BBOX1: variants seen among roughly 807,000 people sequenced by gnomAD.
BBOX1 encodes gamma-butyrobetaine dioxygenase.
BBOX1 carries 35 observed loss-of-function variants against 41.6 expected under a neutral mutation model. The ratio of observed to expected loss-of-function variants is 0.84; its 90% CI spans 0.64 to 1.11. BBOX1 has a LOEUF of 1.11. Ranked by LOEUF, BBOX1 falls within the 50% of genes most tolerant of loss-of-function variation. The pLI is 0.00. For synonymous variants in BBOX1, 163 were observed against 154.7 expected (o/e 1.05, Z -0.40); for missense variants, 458 against 460.6 (o/e 0.99, Z 0.05).
chr11:27,079,672 A>C (rs1223532232), intron 4 of BBOX1, among the ~76,000 whole-genome samples: 2 of 152,148 alleles, frequency 1.3e-5, no homozygotes, highest in Non-Finnish European at 2.9e-5. Flanking sequence ...GGGCAATGAT[A>C]GAGGGGATTA....
intron 2 of BBOX1, among the ~76,000 whole-genome samples, chr11:27,052,194 T>A (rs948905604): frequency 2.0e-5 from 3 of 152,084 alleles, no homozygotes; most frequent in South Asian, 2.1e-4. Context: ...GCAAAGAGAA[T>A]AATAAAACTT....
chr11:27,081,840 T>A (rs1857848174), intron 4 of BBOX1, among the ~76,000 whole-genome samples: 1 of 152,212 alleles, frequency 6.6e-6, no homozygotes, highest in Admixed American at 6.5e-5. Flanking sequence ...GTCTGTTGGC[T>A]GCATACATGT....
intron 4 of BBOX1, among the ~76,000 whole-genome samples, chr11:27,069,572 T>C (rs1857383119): frequency 6.6e-6 from 1 of 152,110 alleles, no homozygotes; most frequent in African/African-American, 2.4e-5. Context: ...TTCTTTCTCT[T>C]GTCCAATTAC....
chr11:27,068,942 T>C lies in BBOX1; in HGVS notation c.334+11627T>C, dbSNP rs142402879. On this transcript the variant is annotated intron_variant, in intron 4 of 8. Transcript: ENST00000263182. ...TTCCATTGTTCTATGTGTTTACTTT[T>C]ATATAGTACCATGCTGTTTTGGTAA... 5.9e-5 allele frequency among the ~76,000 whole-genome samples: 9 copies of C among 152,278 alleles called. No individual in the cohort carries two copies. In the East Asian group the frequency reaches 7.7e-4, roughly 13 times the overall value.
chr11:27,087,091 GA>G (rs1261010820), intron 4 of BBOX1, among the ~76,000 whole-genome samples: 1 of 152,092 alleles, frequency 6.6e-6, no homozygotes, highest in Non-Finnish European at 1.5e-5. Flanking sequence ...TCCTGGTGAA[GA>G]TGATGTGGAC....
chr11:27,056,536 A>G (rs978271340), intron 3 of BBOX1, among the ~76,000 whole-genome samples: 18 of 151,890 alleles, frequency 1.2e-4, no homozygotes, highest in African/African-American at 4.3e-4. Context: ...GATTACAGGC[A>G]TAAGCCACCA....
chr11:27,069,868 T>C (rs1193183749), intron 4 of BBOX1, among the ~76,000 whole-genome samples: 1 of 152,136 alleles, frequency 6.6e-6, no homozygotes, highest in Non-Finnish European at 1.5e-5. Flanking sequence ...TTTTATCAAA[T>C]GCTTTTTCTG....
Position 27,063,824 on chromosome 11 carries a change from T to C in BBOX1, c.334+6509T>C, listed in dbSNP as rs1387573185. Among the ~76,000 whole-genome samples, 3 of 151,808 alleles carry C rather than the reference T, an allele frequency of 2.0e-5. No homozygotes were observed. The East Asian group carries it at 5.9e-4, about 30-fold the overall frequency. ...GAAGTGAAAACTCACAAATAACTGT[T>C]AGGACCCTCTAAAATCTATTCGTCT... On this transcript the variant is annotated intron_variant, in intron 4 of 8. Transcript: ENST00000263182.
chr11:27,069,681 C>A (rs2133989541), intron 4 of BBOX1, among the ~76,000 whole-genome samples: 1 of 152,096 alleles, frequency 6.6e-6, no homozygotes, highest in East Asian at 1.9e-4. Flanking sequence ...TAATTTTTAA[C>A]CTTTTAACTT....
At position 27,089,813 on chromosome 11, in the gene BBOX1, C is replaced by T. The variant is rs531797825; in HGVS notation, c.335-3355C>T. 2.6e-5 allele frequency among the ~76,000 whole-genome samples: 4 copies of T among 152,104 alleles called. No individual in the cohort carries two copies. The South Asian group carries it at 6.2e-4, about 24-fold the overall frequency. On this transcript the variant is annotated intron_variant, in intron 4 of 8. Coordinates refer to ENST00000263182, the MANE Select transcript of BBOX1 (RefSeq NM_003986.3). Reference sequence around the variant, plus strand: ...GAAATGGTGATTTGTTATTCATGCCCTTAACACTGATGTTTTGGCCAGTAA... The same window carrying T: ...GAAATGGTGATTTGTTATTCATGCCTTTAACACTGATGTTTTGGCCAGTAA...
intron 4 of BBOX1, among the ~76,000 whole-genome samples, chr11:27,083,299 A>G (rs1253326017): frequency 6.6e-6 from 1 of 152,136 alleles, no homozygotes; most frequent in African/African-American, 2.4e-5. Context: ...AAGGAGCAAT[A>G]TTGGTGAAAA....
At chr11:27,079,107 C>G (rs1345398303) in intron 4 of BBOX1, among the ~76,000 whole-genome samples, 2 of 152,128 alleles carry the variant, frequency 1.3e-5, no homozygotes, top group Admixed American at 6.6e-5. Context: ...TGTTTGAGCT[C>G]CCCTTACATG....
chr11:27,104,462 T>G (rs1359473751), intron 5 of BBOX1, among the ~76,000 whole-genome samples: 1 of 152,164 alleles, frequency 6.6e-6, no homozygotes, highest in Non-Finnish European at 1.5e-5. Context: ...ATTTTCACTC[T>G]AGATGTTGTA....
At chr11:27,071,849 G>A (rs1280190156) in intron 4 of BBOX1, among the ~76,000 whole-genome samples, 2 of 152,020 alleles carry the variant, frequency 1.3e-5, no homozygotes, top group Non-Finnish European at 2.9e-5. Flanking sequence ...ATGCAGAAAA[G>A]GCCTTTGACA....
At chr11:27,042,331 T>C (rs1447246191) in intron 2 of BBOX1, among the ~76,000 whole-genome samples, 1 of 152,216 alleles carries the variant, frequency 6.6e-6, no homozygotes, top group Non-Finnish European at 1.5e-5. Flanking sequence ...GAGAATGCAC[T>C]GGTTTTTCTA....
chr11:27,100,209 C>A (rs956628213), intron 5 of BBOX1, among the ~76,000 whole-genome samples: 1 of 152,084 alleles, frequency 6.6e-6, no homozygotes, highest in African/African-American at 2.4e-5. Context: ...GCCTCCAAAT[C>A]TGACTTTGAA....
intron 5 of BBOX1, among the ~76,000 whole-genome samples, chr11:27,100,117 T>C (rs1308945401): frequency 6.6e-6 from 1 of 152,058 alleles, no homozygotes; most frequent in Non-Finnish European, 1.5e-5. Context: ...ACACATTAGA[T>C]TGGATTCAAG....
In BBOX1 at chr11:27,054,205, C is replaced by CTGTGTGTG. The variant is rs57324926; in HGVS notation, c.-38-1165_-38-1158dup. On this transcript the variant is annotated intron_variant, in intron 2 of 8. Transcript: ENST00000263182. ...TTTTATAAGCTGTGTGTGTGTGTGT[C>CTGTGTGTG]TGTGTGTGTGTGTGTGTGTGTGTGT... Among the ~76,000 whole-genome samples the CTGTGTGTG allele has an allele frequency of 1.5e-3, 205 of 139,480 alleles. 1 individual carries two copies. Among genetic ancestry groups the CTGTGTGTG allele is most frequent in the African/African-American group, 4.4e-3 (171 of 39,178 alleles). 91.5% of individuals were successfully genotyped at this position (139,480 alleles called of 152,430 possible). A position where few individuals can be genotyped will look rare whatever the true frequency, so the allele number is the denominator to read the frequency against.
chr11:27,086,916 A>C (rs1858064420), intron 4 of BBOX1, among the ~76,000 whole-genome samples: 2 of 152,120 alleles, frequency 1.3e-5, no homozygotes, highest in African/African-American at 4.8e-5. Flanking sequence ...AGACTTCAGC[A>C]GAGGAAGTAA....
Sources: gnomAD v4.1 joint callset for allele counts (sites outside exome capture counted in the v4.1 genomes callset) on GRCh38, gnomAD v4.1.1 for gene constraint, MANE v1.5 for transcripts, NCBI Gene and HGNC (gene_info 2026-07-23, HGNC 2026-07-21) for gene names.